The following FAM171A2 variants were observed in gnomAD, a reference collection of about 807,000 sequenced individuals.
The protein encoded by FAM171A2 is family with sequence similarity 171 member A2.
In FAM171A2, 13 loss-of-function variants were observed where a neutral mutation model predicts 34.2. The ratio of observed to expected loss-of-function variants is 0.38; its 90% CI spans 0.25 to 0.60. FAM171A2 has a LOEUF of 0.60. Among genes scored for constraint, FAM171A2 ranks in the 20% least tolerant of loss-of-function variants. The probability of loss-of-function intolerance (pLI) is 0.62; values close to 1 mark genes in which losing one functional copy is unlikely to be tolerated. For synonymous variants in FAM171A2, 475 were observed against 561.2 expected (o/e 0.85, Z 2.17); for missense variants, 950 against 1,180.7 (o/e 0.80, Z 2.86).
intron 1 of FAM171A2, 110 bp from the exon 2 acceptor site, chr17:44,360,242 G>C (rs1166842107): frequency 2.2e-6 from 2 of 898,058 alleles, no homozygotes; most frequent in Non-Finnish European, 3.4e-6. Flanking sequence ...CTTTTGGGCT[G>C]AGGCTAGAGA....
At chr17:44,361,818 G>A (rs1290650043) in intron 1 of FAM171A2, among the ~76,000 whole-genome samples, 2 of 152,112 alleles carry the variant, frequency 1.3e-5, no homozygotes, top group African/African-American at 4.8e-5. Flanking sequence ...GCATGGGGTG[G>A]GGGGAGGTAG....
In FAM171A2 at chr17:44,354,279, C is replaced by G. The variant is rs528777079; in HGVS notation, c.1935G>C (p.Leu645=). Residue 645 remains leucine (L), a synonymous_variant, in exon 8 of 8, where the codon CTG becomes CTC. Coordinates refer to ENST00000293443, the MANE Select transcript of FAM171A2 (RefSeq NM_198475.3). This position sits in a 1 kb window ranked among gnomAD's most constrained non-coding sequence, Gnocchi z 5.8. ...AGGCGCGCGGGTGCGGCTTCACGCCCAGTTCCAGCAGCTTCTTCTCGGTCA... is the reference window on the plus strand; with the variant it reads ...AGGCGCGCGGGTGCGGCTTCACGCCGAGTTCCAGCAGCTTCTTCTCGGTCA... ...QALTEKKLLE[L]GVKPHPRAWF... 85 of 1,447,434 alleles carry G rather than the reference C, an allele frequency of 5.9e-5. 2 individuals carry two copies. In the South Asian group the frequency reaches 1.1e-3, roughly 18 times the overall value. The allele number at this position is 1,447,434 out of a possible 1,614,324, so 89.7% of individuals were successfully genotyped here.
chr17:44,353,988 G>A lies in FAM171A2; in HGVS notation c.2226C>T (p.Cys742=). 1.6e-6 allele frequency: 2 copies of A among 1,254,656 alleles called. No homozygotes were observed. Among genetic ancestry groups the A allele is most frequent in the Non-Finnish European group, 1.0e-6 (1 of 1,000,752 alleles). The allele number at this position is 1,254,656 out of a possible 1,614,324, so 77.7% of individuals were successfully genotyped here. The part of the protein sequence containing the change: ...PSSSESRTGL[C]SPEDNSLTPL... ...GCGTCAGCGAGTTGTCCTCCGGAGA[G>A]CAGAGGCCCGTGCGGCTCTCGCTGC... Residue 742 remains cysteine, a synonymous_variant, in exon 8 of 8, where the codon TGC becomes TGT. Coordinates refer to ENST00000293443, the MANE Select transcript of FAM171A2 (RefSeq NM_198475.3).
At position 44,359,925 on chromosome 17, in the gene FAM171A2, C is replaced by A; in HGVS notation, c.326G>T (p.Trp109Leu). ...CTCACAGGGCAGCTTGTCAACACGC[C>A]AGGGCACAGAGTTGGTGAGGAAGCC... The part of the protein sequence containing the change: ...RPGFLTNSVP[W>L]RVDKLPLYAS... Residue 109 changes from tryptophan to leucine, a missense_variant, in exon 2 of 8, where the codon TGG becomes TTG. Coordinates refer to ENST00000293443, the MANE Select transcript of FAM171A2 (RefSeq NM_198475.3). 1 of 1,545,448 alleles carries A rather than the reference C, an allele frequency of 6.5e-7. No individual in the cohort carries two copies. The highest frequency in any genetic ancestry group is 8.7e-7 in the Non-Finnish European group (1 of 1,143,314).
chr17:44,354,929 C>T lies in FAM171A2; in HGVS notation c.1285G>A (p.Glu429Lys), dbSNP rs1439598569. 1.3e-5 allele frequency: 19 copies of T among 1,420,686 alleles called. No individual in the cohort carries two copies. The East Asian group carries it at 2.3e-4, about 17-fold the overall frequency. 88.0% of individuals were successfully genotyped at this position (1,420,686 alleles called of 1,614,324 possible). A position where few individuals can be genotyped will look rare whatever the true frequency, so the allele number is the denominator to read the frequency against. ...KPRSASRPAA[E>K]PSGARGGESA... ...TCGCCCCCGCGGGCACCCGAAGGCTCGGCGGCCGGGCGGCTGGCAGAGCGC... is the reference window on the plus strand; with the variant it reads ...TCGCCCCCGCGGGCACCCGAAGGCTTGGCGGCCGGGCGGCTGGCAGAGCGC... The change falls in exon 8 of 8, where the codon GAG becomes AAG. Residue 429 changes from glutamate (E) to lysine (K), a missense_variant. Glu to Lys is a moderately conservative substitution (Grantham distance 56). Around this residue, in one of 3 missense-constraint regions of FAM171A2, gnomAD observed 752 missense variants for 924.5 expected, o/e 0.81. Transcript: ENST00000293443. This position sits in a 1 kb window ranked among gnomAD's most constrained non-coding sequence, Gnocchi z 5.8.
Position 44,355,271 on chromosome 17 carries a change from CAA to C in FAM171A2, c.1023-82_1023-81del. 9.9e-6 allele frequency: 15 copies of C among 1,509,014 alleles called. No individual in the cohort carries two copies. The highest frequency in any genetic ancestry group is 1.3e-5 in the Non-Finnish European group (15 of 1,132,144). The allele number at this position is 1,509,014 out of a possible 1,614,324, so 93.5% of individuals were successfully genotyped here. A position where few individuals can be genotyped will look rare whatever the true frequency, so the allele number is the denominator to read the frequency against. On this transcript the variant is annotated intron_variant, in intron 7 of 7. Transcript: ENST00000293443. The surrounding 1 kb of genome is among the most constrained non-coding windows in gnomAD (Gnocchi z 4.1). ...GCCCCGAACCCCCTTAGATGCAAGA[CAA>C]GAGACGAATATAGTGGAAGAGGTGG...
In FAM171A2 at chr17:44,355,237, C is replaced by A; in HGVS notation, c.1023-46G>T. 6.5e-7 allele frequency: 1 copy of A among 1,539,874 alleles called. No homozygotes were observed. Among genetic ancestry groups the A allele is most frequent in the Non-Finnish European group, 8.7e-7 (1 of 1,143,344 alleles). On this transcript the variant is annotated intron_variant, in intron 7 of 7. Transcript: ENST00000293443. The surrounding 1 kb of genome is among the most constrained non-coding windows in gnomAD (Gnocchi z 4.1). ...GGGGCCGCTCAGGAAAGGGTGAGGG[C>A]CAAAGTAGGCCCCGAACCCCCTTAG...
chr17:44,359,421 T>C, intron 3 of FAM171A2, 158 bp downstream of exon 3: 1 of 629,610 alleles, frequency 1.6e-6, no homozygotes, highest in South Asian at 1.9e-5. Context: ...TTTGATGATG[T>C]AGGCACTAAC....
Position 44,363,643 on chromosome 17 carries a change from G to A in FAM171A2, c.72C>T (p.Ala24=). Residue 24 remains alanine, a synonymous_variant, in exon 1 of 8, where the codon GCC becomes GCT. Transcript: ENST00000293443. ...GCGGCGACTTGCCGGGAGCCCGGGA[G>A]GCGCTGCCGAGCAGCAGCCCCAGCA... ...LPLLGLLLGS[A]SRAPGKSPPE... is the part of the protein sequence containing the mutation. The A allele has an allele frequency of 8.1e-7, 1 of 1,229,192 alleles. No homozygotes were observed. The highest frequency in any genetic ancestry group is 3.2e-5 in the East Asian group (1 of 31,392). 76.1% of individuals were successfully genotyped at this position (1,229,192 alleles called of 1,614,324 possible).
chr17:44,359,839 T>C (rs1567892291), intron 2 of FAM171A2, 66 bp downstream of exon 2: 5 of 1,456,410 alleles, frequency 3.4e-6, no homozygotes, highest in Admixed American at 4.4e-5. Flanking sequence ...CCAAGGAGAC[T>C]ATTTTGGGAA....
chr17:44,356,681 T>G, intron 3 of FAM171A2, 93 bp from the exon 4 acceptor site: 1 of 1,391,378 alleles, frequency 7.2e-7, no homozygotes, highest in Admixed American at 2.7e-5. Context: ...AAGGGGGACA[T>G]GAGGTCAGGC....
Position 44,363,652 on chromosome 17 carries a change from GAGCAGCAGCCCC to G in FAM171A2, c.51_62del (p.Leu19_Gly22del). The G allele has an allele frequency of 8.1e-7, 1 of 1,228,624 alleles. No individual in the cohort carries two copies. The highest frequency in any genetic ancestry group is 1.0e-6 in the Non-Finnish European group (1 of 985,464). The allele number at this position is 1,228,624 out of a possible 1,614,324, so 76.1% of individuals were successfully genotyped here. On this transcript the variant is annotated inframe_deletion, in exon 1 of 8. Transcript: ENST00000293443. ...TGCCGGGAGCCCGGGAGGCGCTGCC[GAGCAGCAGCCCC>G]AGCAGCGGCAACAGCCGCGCGAGGA... is the stretch of plus-strand genomic sequence containing the variant.
In FAM171A2 at chr17:44,355,908, C is replaced by G; in HGVS notation, c.895+50G>C. ...TCCTGCCTTTCAGAAGTCTGCTCTC[C>G]CAGCTCCCCTCCTCCGCGGCCTCTA... On this transcript the variant is annotated intron_variant, in intron 6 of 7. Coordinates refer to ENST00000293443, the MANE Select transcript of FAM171A2 (RefSeq NM_198475.3). This position sits in a 1 kb window ranked among gnomAD's most constrained non-coding sequence, Gnocchi z 4.1. 1 of 1,546,936 alleles carries G rather than the reference C, an allele frequency of 6.5e-7. No homozygotes were observed. Among genetic ancestry groups the G allele is most frequent in the East Asian group, 2.4e-5 (1 of 40,842 alleles).
At position 44,355,825 on chromosome 17, in the gene FAM171A2, C is replaced by T. The variant is rs373354940; in HGVS notation, c.912G>A (p.Thr304=). Residue 304 remains threonine (T), a synonymous_variant, in exon 7 of 8, where the codon ACG becomes ACA. Coordinates refer to ENST00000293443, the MANE Select transcript of FAM171A2 (RefSeq NM_198475.3). This position sits in a 1 kb window ranked among gnomAD's most constrained non-coding sequence, Gnocchi z 4.1. ...ASPTAGLVTI[T]SGIQDIGTYH... ...AGGTGCCGATGTCCTGGATGCCCGA[C>T]GTGATGGTGACCAGCCCTGTGCCAG... 1.3e-6 allele frequency: 2 copies of T among 1,551,712 alleles called. No individual in the cohort carries two copies. The highest frequency in any genetic ancestry group is 1.7e-6 in the Non-Finnish European group (2 of 1,147,010).
chr17:44,355,035 C>T lies in FAM171A2; in HGVS notation c.1179G>A (p.Pro393=), dbSNP rs1292962937. The T allele has an allele frequency of 6.5e-7, 1 of 1,534,310 alleles. No individual in the cohort carries two copies. Among genetic ancestry groups the T allele is most frequent in the South Asian group, 1.2e-5 (1 of 81,362 alleles). Residue 393 remains proline, a synonymous_variant, in exon 8 of 8, where the codon CCG becomes CCA. Coordinates refer to ENST00000293443, the MANE Select transcript of FAM171A2 (RefSeq NM_198475.3). The surrounding 1 kb of genome is among the most constrained non-coding windows in gnomAD (Gnocchi z 4.1). The part of the protein sequence containing the change: ...EPAPSGDPEA[P]PPGPLHSAFS... ...AGGCCGAGTGGAGGGGGCCTGGAGG[C>T]GGAGCCTCGGGGTCCCCCGACGGGG...
chr17:44,363,521 A>C, intron 1 of FAM171A2, 76 bp downstream of exon 1: 2 of 619,224 alleles, frequency 3.2e-6, no homozygotes, highest in Middle Eastern at 2.9e-4. Context: ...GAACGCCGCG[A>C]AGAGGGGGCT....
chr17:44,356,283 G>A lies in FAM171A2; in HGVS notation c.668C>T (p.Thr223Ile). The A allele has an allele frequency of 6.4e-7, 1 of 1,551,190 alleles. No individual in the cohort carries two copies. Among genetic ancestry groups the A allele is most frequent in the Non-Finnish European group, 8.7e-7 (1 of 1,146,792 alleles). The change falls in exon 5 of 8, where the codon ACA (threonine) becomes ATA (isoleucine). Residue 223 changes from threonine (T) to isoleucine (I), a missense_variant. Physicochemically the swap from Thr to Ile is moderately conservative, Grantham distance 89. Transcript: ENST00000293443. ...VSVHLLTGNG[T>I]EVPLSGPIHL... ...AATGGGGCCTGAGAGCGGCACCTCTGTCCCATTACCTGTCAGCAGGTGCAC... is the reference window on the plus strand; with the variant it reads ...AATGGGGCCTGAGAGCGGCACCTCTATCCCATTACCTGTCAGCAGGTGCAC...
rs1389648199 is a variant in FAM171A2 at position 44,360,106 on chromosome 17, C to T, written c.145G>A (p.Val49Met). 3 of 1,551,542 alleles carry T rather than the reference C, an allele frequency of 1.9e-6. No homozygotes were observed. In the African/African-American group the frequency reaches 4.1e-5, roughly 21 times the overall value. ...GCCAGGGGCACCAGCTCCCCGCTCACATACACCTGCACCTTGATCAGGATC... is the reference window on the plus strand; with the variant it reads ...GCCAGGGGCACCAGCTCCCCGCTCATATACACCTGCACCTTGATCAGGATC... ...QEILIKVQVY[V>M]SGELVPLARA... The change falls in exon 2 of 8, where the codon GTG (valine) becomes ATG (methionine). Residue 49 changes from valine (V) to methionine (M), a missense_variant. This residue lies in a region of FAM171A2 where 752 missense variants were observed against 924.5 expected (regional missense o/e 0.81). Transcript: ENST00000293443.
chr17:44,354,293 T>G lies in FAM171A2; in HGVS notation c.1921A>C (p.Lys641Gln), dbSNP rs2048408137. Residue 641 changes from lysine to glutamine, a missense_variant, in exon 8 of 8, where the codon AAG (lysine) becomes CAG (glutamine). By Grantham distance (53) the Lys-to-Gln change is moderately conservative (BLOSUM62 1). This residue lies in a region of FAM171A2 where 752 missense variants were observed against 924.5 expected (regional missense o/e 0.81). Coordinates refer to ENST00000293443, the MANE Select transcript of FAM171A2 (RefSeq NM_198475.3). The surrounding 1 kb of genome is among the most constrained non-coding windows in gnomAD (Gnocchi z 5.8). ...NGELQALTEK[K>Q]LLELGVKPHP... ...GGCTTCACGCCCAGTTCCAGCAGCT[T>G]CTTCTCGGTCAGGGCCTGCAGCTCC... The G allele has an allele frequency of 4.8e-6, 7 of 1,455,486 alleles. No individual in the cohort carries two copies. Among genetic ancestry groups the G allele is most frequent in the East Asian group, 2.9e-5 (1 of 34,066 alleles). 90.2% of individuals were successfully genotyped at this position (1,455,486 alleles called of 1,614,324 possible).
Sources: gnomAD v4.1 joint callset for allele counts (sites outside exome capture counted in the v4.1 genomes callset) on GRCh38, gnomAD v4.1.1 for gene constraint, gnomAD v4.1.1 regional missense constraint, Gnocchi (gnomAD v3.1) non-coding constraint, MANE v1.5 for transcripts, NCBI Gene and HGNC (gene_info 2026-07-23, HGNC 2026-07-21) for gene names.